The following RNASEH1 variants were observed in gnomAD, a reference collection of about 807,000 sequenced individuals.
RNASEH1 encodes the protein ribonuclease H type II.
Under a neutral mutation model 34.6 loss-of-function variants are expected in RNASEH1, and 27 were observed. That is an observed-to-expected ratio of 0.78 (90% CI 0.58 to 1.08). RNASEH1 has a LOEUF of 1.08. Ranked by LOEUF, RNASEH1 falls within the 50% of genes least tolerant of loss-of-function variation. RNASEH1 has a pLI of 0.00. For synonymous variants in RNASEH1, 162 were observed against 138.4 expected (o/e 1.17, Z -1.20); for missense variants, 349 against 373.6 (o/e 0.93, Z 0.54).
chr2:3,552,939 G>A (rs905149482), intron 2 of RNASEH1, among the ~76,000 whole-genome samples: 1 of 152,192 alleles, frequency 6.6e-6, no homozygotes, highest in African/African-American at 2.4e-5. Context: ...GGAGGGCTCA[G>A]AGGGTGCAGG....
chr2:3,547,801 A>G, intron 7 of RNASEH1, 130 bp downstream of exon 7: 1 of 949,288 alleles, frequency 1.1e-6, no homozygotes, highest in Non-Finnish European at 1.6e-6. Context: ...ATACGTTGTA[A>G]TATACATTAT....
intron 2 of RNASEH1, among the ~76,000 whole-genome samples, chr2:3,553,014 G>A (rs537486272): frequency 2.6e-5 from 4 of 152,228 alleles, no homozygotes; most frequent in East Asian, 2.0e-4. Flanking sequence ...CTGGGAAGCC[G>A]AGGCGGGCAG....
In RNASEH1 at chr2:3,543,706, G is replaced by A. The variant is rs904214751; in HGVS notation, c.*2079C>T. Among the ~76,000 whole-genome samples the A allele has an allele frequency of 6.6e-6, 1 of 152,178 alleles. No individual in the cohort carries two copies. The highest frequency in any genetic ancestry group is 1.5e-5 in the Non-Finnish European group (1 of 68,008). ...AGCTCACGCATCCTCGACCTCCTGG[G>A]CCCAAGCGATCCTCCCATCTCAGCC... On this transcript the variant is annotated 3_prime_UTR_variant, in exon 8 of 8. Coordinates refer to ENST00000315212, the MANE Select transcript of RNASEH1 (RefSeq NM_002936.6).
chr2:3,549,092 G>C lies in RNASEH1; in HGVS notation c.530C>G (p.Pro177Arg). ...GHPLNVGIRL[P>R]GRQTNQRAEI... ...CGCTCTTTGGTTTGTCTGCCGCCCA[G>C]GAAGTCTAATGCCTACATTTCTGTT... Residue 177 changes from proline (P) to arginine (R), a missense_variant, in exon 5 of 8, where the codon CCT becomes CGT. By Grantham distance (103) the Pro-to-Arg change is moderately radical. Around this residue, in one of 2 missense-constraint regions of RNASEH1, gnomAD observed 256 missense variants for 240.7 expected, o/e 1.06. Transcript: ENST00000315212. 3 of 1,613,626 alleles carry C rather than the reference G, an allele frequency of 1.9e-6. No individual in the cohort carries two copies. The African/African-American group carries it at 4.0e-5, about 22-fold the overall frequency.
At chr2:3,546,260 T>C (rs145686985) in intron 7 of RNASEH1, among the ~76,000 whole-genome samples, 2,537 of 152,336 alleles carry the variant, frequency 0.017, 41 homozygotes, top group South Asian at 0.06. Flanking sequence ...ATTTAACCAC[T>C]GTTTACATTT....
At chr2:3,545,944 T>C (rs754194013) in intron 7 of RNASEH1, 73 bp from the exon 8 acceptor site, 174 of 1,100,938 alleles carry the variant, frequency 1.6e-4, no homozygotes, top group Non-Finnish European at 2.3e-4. Context: ...ATTGTCATCA[T>C]AAAAAACCAT....
At position 3,558,312 on chromosome 2, in the gene RNASEH1, CGAG is replaced by C; in HGVS notation, c.-55_-53del. 6.8e-7 allele frequency: 1 copy of C among 1,474,648 alleles called. No homozygotes were observed. The highest frequency in any genetic ancestry group is 9.0e-7 in the Non-Finnish European group (1 of 1,115,772). The allele number at this position is 1,474,648 out of a possible 1,614,324, so 91.3% of individuals were successfully genotyped here. The stretch of plus-strand genomic sequence containing the variant: ...TTCGACTCCCGGCCCAGCGTGGGCG[CGAG>C]CCGCCGGCGCTCAACACCGCACTTC... On this transcript the variant is annotated 5_prime_UTR_variant, in exon 1 of 8. Transcript: ENST00000315212.
intron 4 of RNASEH1, chr2:3,550,046 G>C (rs559931195): frequency 7.6e-6 from 2 of 263,768 alleles, no homozygotes; most frequent in African/African-American, 4.5e-5. Context: ...GGGAGGCCAA[G>C]GTGGGAGGAT....
intron 6 of RNASEH1, among the ~76,000 whole-genome samples, 168 bp downstream of exon 6, chr2:3,548,472 A>G (rs1668967634): frequency 6.6e-6 from 1 of 152,218 alleles, no homozygotes; most frequent in African/African-American, 2.4e-5. Context: ...TGTGGAAAAC[A>G]TCAGAGCAGC....
chr2:3,532,798 A>G, the RNASEH1 span, among the ~76,000 whole-genome samples: 1 of 152,166 alleles, frequency 6.6e-6, no homozygotes, highest in Non-Finnish European at 1.5e-5. Flanking sequence ...AAAGAGATGC[A>G]CCCAACAACG....
At chr2:3,551,785 T>C (rs909724343) in intron 3 of RNASEH1, among the ~76,000 whole-genome samples, 21 of 152,170 alleles carry the variant, frequency 1.4e-4, no homozygotes, top group Non-Finnish European at 2.5e-4. Flanking sequence ...ATATGAAAGG[T>C]TAAAATGCTG....
the RNASEH1 span, chr2:3,531,984 T>G: frequency 4.5e-6 from 2 of 442,700 alleles, no homozygotes; most frequent in Non-Finnish European, 4.1e-6. Context: ...CACTGCGACA[T>G]AGGTGTCTGG....
intron 2 of RNASEH1, among the ~76,000 whole-genome samples, chr2:3,553,675 C>A (rs536102972): frequency 1.3e-5 from 2 of 152,262 alleles, no homozygotes; most frequent in East Asian, 3.9e-4. Context: ...CAGGCGTGAG[C>A]CGCTGCGCCC....
At chr2:3,541,288 C>G (rs1668286481), downstream of RNASEH1, among the ~76,000 whole-genome samples, 2 of 150,730 alleles carry the variant, frequency 1.3e-5, no homozygotes, top group South Asian at 4.2e-4. Context: ...AAGATCACGC[C>G]ACTGCACTCC....
downstream of RNASEH1, among the ~76,000 whole-genome samples, chr2:3,538,465 T>C (rs980077907): frequency 1.3e-5 from 2 of 152,050 alleles, no homozygotes; most frequent in African/African-American, 4.8e-5. Context: ...CCTCTCCCCA[T>C]TCCCAGTGTA....
chr2:3,556,724 T>G (rs886100326), intron 2 of RNASEH1, 65 bp downstream of exon 2: 2 of 1,060,764 alleles, frequency 1.9e-6, no homozygotes, highest in African/African-American at 3.1e-5. Context: ...ATAGATCAAA[T>G]GCCATCTGGC....
rs919575628 is a variant in RNASEH1, at chr2:3,542,669, T to G, written c.*3116A>C. On this transcript the variant is annotated 3_prime_UTR_variant, in exon 8 of 8. Transcript: ENST00000315212. ...CTATGGTATTAGTATTTTTTTTAAATGCTAAATGCTAAAGAGGAATAAAAC... is the reference window on the plus strand; with the variant it reads ...CTATGGTATTAGTATTTTTTTTAAAGGCTAAATGCTAAAGAGGAATAAAAC... Among the ~76,000 whole-genome samples, 2 of 152,154 alleles carry G rather than the reference T, an allele frequency of 1.3e-5. No individual in the cohort carries two copies. The highest frequency in any genetic ancestry group is 4.8e-5 in the African/African-American group (2 of 41,430).
chr2:3,549,576 T>C (rs1219600928), intron 4 of RNASEH1, among the ~76,000 whole-genome samples: 1 of 151,966 alleles, frequency 6.6e-6, no homozygotes, highest in African/African-American at 2.4e-5. Flanking sequence ...GGGCCAGGGG[T>C]GGTGGCTCAC....
chr2:3,545,737 C>G lies in RNASEH1; in HGVS notation c.*48G>C. The stretch of plus-strand genomic sequence containing the variant: ...TTTCCACACCAGTAAGTACAGGCAG[C>G]AAGACAGCCGCTGGCTCAAGTTCTC... On this transcript the variant is annotated 3_prime_UTR_variant, in exon 8 of 8. Transcript: ENST00000315212. 7.5e-7 allele frequency: 1 copy of G among 1,329,748 alleles called. No homozygotes were observed. The highest frequency in any genetic ancestry group is 1.1e-6 in the Non-Finnish European group (1 of 920,368). 82.4% of individuals were successfully genotyped at this position (1,329,748 alleles called of 1,614,324 possible). A position where few individuals can be genotyped will look rare whatever the true frequency, so the allele number is the denominator to read the frequency against.
Sources: allele counts gnomAD v4.1 joint callset (sites outside exome capture counted in the v4.1 genomes callset), GRCh38; gene constraint gnomAD v4.1.1; regional missense constraint gnomAD v4.1.1; transcripts MANE v1.5; gene names NCBI Gene and HGNC (gene_info 2026-07-23, HGNC 2026-07-21).